PGCKA1: variants seen among roughly 807,000 people sequenced by gnomAD.
PGCKA1 encodes the protein PDCD10 and GCKIII kinases-associated protein 1.
chr4:37,528,881 T>A, the PGCKA1 span, among the ~76,000 whole-genome samples: 1 of 152,244 alleles, frequency 6.6e-6, no homozygotes, highest in Non-Finnish European at 1.5e-5. Context: ...GTGTACATTA[T>A]GTAAATTCTA....
chr4:37,524,914 AAAGGG>A, the PGCKA1 span, among the ~76,000 whole-genome samples: 6 of 152,286 alleles, frequency 3.9e-5, no homozygotes, highest in East Asian at 5.8e-4. Context: ...GGGTACTAGA[AAAGGG>A]AAGGGAAGGG....
At chr4:37,468,635 G>A in the PGCKA1 span, among the ~76,000 whole-genome samples, 1 of 152,128 alleles carries the variant, frequency 6.6e-6, no homozygotes, top group Non-Finnish European at 1.5e-5. Context: ...CAAATTTGGT[G>A]TGTTTGTTTC....
the PGCKA1 span, among the ~76,000 whole-genome samples, chr4:37,494,763 T>C: frequency 0.022 from 3,356 of 152,278 alleles, 125 homozygotes; most frequent in African/African-American, 0.076. Context: ...GCCTTCGCTT[T>C]TCTCCGCAAC....
chr4:37,499,663 A>G, the PGCKA1 span, among the ~76,000 whole-genome samples: 2 of 151,404 alleles, frequency 1.3e-5, no homozygotes, highest in African/African-American at 4.8e-5. Flanking sequence ...TGTCTTTTCT[A>G]TTTATGTATA....
the PGCKA1 span, chr4:37,460,606 A>G: frequency 6.6e-6 from 3 of 451,420 alleles, no homozygotes; most frequent in African/African-American, 2.0e-5. Flanking sequence ...CTTTTTTTAT[A>G]TGTTTGTTGG....
chr4:37,519,333 A>G, the PGCKA1 span, among the ~76,000 whole-genome samples: 1 of 151,986 alleles, frequency 6.6e-6, no homozygotes, highest in Non-Finnish European at 1.5e-5. Context: ...GATACAGATT[A>G]CATTGAATCT....
At chr4:37,549,058 C>A in the PGCKA1 span, among the ~76,000 whole-genome samples, 1 of 57,014 alleles carries the variant, frequency 1.8e-5, no homozygotes, top group South Asian at 4.5e-4. Context: ...GGAGTCCCTG[C>A]AGGTCAGACC....
At chr4:37,481,869 G>C in the PGCKA1 span, among the ~76,000 whole-genome samples, 1 of 152,154 alleles carries the variant, frequency 6.6e-6, no homozygotes, top group African/African-American at 2.4e-5. Flanking sequence ...AATCATGGGG[G>C]CAGTTTCCCT....
At chr4:37,481,500 A>T in the PGCKA1 span, among the ~76,000 whole-genome samples, 1 of 84,500 alleles carries the variant, frequency 1.2e-5, no homozygotes, top group East Asian at 2.3e-4. Flanking sequence ...AAAAAAAAAA[A>T]GAAGTCCAAG....
At chr4:37,539,485 C>T in the PGCKA1 span, among the ~76,000 whole-genome samples, 2 of 152,238 alleles carry the variant, frequency 1.3e-5, no homozygotes, top group South Asian at 4.1e-4. Flanking sequence ...GGCAAAACCC[C>T]GTCCCTACTA....
chr4:37,509,564 G>C, the PGCKA1 span, among the ~76,000 whole-genome samples: 1 of 151,834 alleles, frequency 6.6e-6, no homozygotes, highest in Non-Finnish European at 1.5e-5. Context: ...ACGGGGTGGC[G>C]GCCGGGCAGA....
the PGCKA1 span, among the ~76,000 whole-genome samples, chr4:37,566,230 A>G: frequency 6.7e-6 from 1 of 150,092 alleles, no homozygotes; most frequent in Middle Eastern, 3.4e-3. Context: ...CAACACCTAC[A>G]CTACTTGGGC....
chr4:37,556,359 C>T, the PGCKA1 span, among the ~76,000 whole-genome samples: 7 of 152,138 alleles, frequency 4.6e-5, no homozygotes, highest in South Asian at 2.1e-4. Flanking sequence ...CCTCTGTCCC[C>T]GGGGTTCAAG....
At chr4:37,570,022 C>T in the PGCKA1 span, among the ~76,000 whole-genome samples, 54,695 of 146,484 alleles carry the variant, frequency 0.37, 10,568 homozygotes, top group Middle Eastern at 0.45. Flanking sequence ...CTCTGTCGCC[C>T]CGGCTGGAGT....
At chr4:37,469,890 A>T in the PGCKA1 span, among the ~76,000 whole-genome samples, 4 of 152,340 alleles carry the variant, frequency 2.6e-5, no homozygotes, top group Admixed American at 2.0e-4. Flanking sequence ...CAGACCCATT[A>T]TCTGCTTTGC....
chr4:37,573,371 G>A, the PGCKA1 span, among the ~76,000 whole-genome samples: 1 of 152,212 alleles, frequency 6.6e-6, no homozygotes, highest in Admixed American at 6.5e-5. Flanking sequence ...GACTCTGTGA[G>A]CAAGTTGCTG....
chr4:37,555,438 G>A, the PGCKA1 span, among the ~76,000 whole-genome samples: 7 of 152,158 alleles, frequency 4.6e-5, no homozygotes, highest in East Asian at 1.9e-4. Flanking sequence ...CCTCCCTACC[G>A]ATTCCTTGCA....
At chr4:37,577,926 C>A in the PGCKA1 span, among the ~76,000 whole-genome samples, 9 of 152,132 alleles carry the variant, frequency 5.9e-5, no homozygotes, top group Admixed American at 2.0e-4. Context: ...GATATCATTT[C>A]AATTTTTTTG....
the PGCKA1 span, among the ~76,000 whole-genome samples, chr4:37,520,279 A>T: frequency 1.3e-5 from 2 of 152,124 alleles, no homozygotes; most frequent in African/African-American, 2.4e-5. Context: ...TCATAGGATG[A>T]GTTTGGAAGT....
Sources: gnomAD v4.1 joint callset for allele counts (sites outside exome capture counted in the v4.1 genomes callset) on GRCh38, gnomAD v4.1.1 for gene constraint, MANE v1.5 for transcripts, NCBI Gene and HGNC (gene_info 2026-07-23, HGNC 2026-07-21) for gene names.